FSTL4: variants seen among roughly 807,000 people sequenced by gnomAD.
FSTL4 encodes the protein follistatin-related protein 4.
In FSTL4, 28 loss-of-function variants were observed where a neutral mutation model predicts 78.2. The observed-to-expected ratio is 0.36, with a 90% confidence interval of 0.27 to 0.49. The LOEUF (loss-of-function observed/expected upper bound fraction) is 0.49. Ranked by LOEUF, FSTL4 falls within the 20% of genes least tolerant of loss-of-function variation. FSTL4 has a pLI of 0.98. For synonymous variants in FSTL4, 422 were observed against 440.5 expected (o/e 0.96, Z 0.53); for missense variants, 922 against 1,084.9 (o/e 0.85, Z 2.11).
intron 3 of FSTL4, among the ~76,000 whole-genome samples, chr5:133,479,758 G>C (rs1757990185): frequency 6.6e-6 from 1 of 152,166 alleles, no homozygotes; most frequent in Admixed American, 6.5e-5. Flanking sequence ...TTAGATTGTA[G>C]TGACAAACTA....
chr5:133,665,122 C>T, the FSTL4 span, among the ~76,000 whole-genome samples: 6 of 152,108 alleles, frequency 3.9e-5, no homozygotes, highest in African/African-American at 1.4e-4. Context: ...CCTTCTTGGG[C>T]CCAAACCACA....
intron 6 of FSTL4, among the ~76,000 whole-genome samples, chr5:133,291,820 G>C (rs1391464348): frequency 6.6e-6 from 1 of 152,168 alleles, no homozygotes; most frequent in Non-Finnish European, 1.5e-5. Flanking sequence ...TCAGGATGAA[G>C]GCCATGGAGT....
chr5:133,778,895 G>A, the FSTL4 span, among the ~76,000 whole-genome samples: 4 of 152,200 alleles, frequency 2.6e-5, no homozygotes, highest in African/African-American at 4.8e-5. Context: ...CCTGGCAGCA[G>A]GAACAAAGGC....
At chr5:133,515,691 A>T (rs1283638486) in intron 3 of FSTL4, among the ~76,000 whole-genome samples, 4 of 142,534 alleles carry the variant, frequency 2.8e-5, no homozygotes, top group Admixed American at 6.8e-5. Flanking sequence ...TTTTTTTTAA[A>T]AAAAAGCAAA....
chr5:133,809,068 T>C, the FSTL4 span, among the ~76,000 whole-genome samples: 1 of 151,840 alleles, frequency 6.6e-6, no homozygotes, highest in Admixed American at 6.6e-5. Context: ...GTGGTAGGTA[T>C]AATAAGAGGA....
At chr5:133,814,683 C>G in the FSTL4 span, among the ~76,000 whole-genome samples, 1 of 152,172 alleles carries the variant, frequency 6.6e-6, no homozygotes, top group Non-Finnish European at 1.5e-5. Context: ...AGCAGTAAAC[C>G]AAACAACTAT....
chr5:133,449,782 T>C (rs565030975), intron 3 of FSTL4, among the ~76,000 whole-genome samples: 1 of 152,276 alleles, frequency 6.6e-6, no homozygotes, highest in East Asian at 1.9e-4. Context: ...ACTGTGCAAT[T>C]CATTTTCCCT....
the FSTL4 span, among the ~76,000 whole-genome samples, chr5:133,681,288 G>T: frequency 6.6e-6 from 1 of 152,212 alleles, no homozygotes; most frequent in Non-Finnish European, 1.5e-5. Flanking sequence ...GTGAGGCCTG[G>T]GCCAGAAGCG....
chr5:133,470,088 C>G (rs1160831363), intron 3 of FSTL4, among the ~76,000 whole-genome samples: 1 of 152,146 alleles, frequency 6.6e-6, no homozygotes, highest in Non-Finnish European at 1.5e-5. Context: ...CAGCTCCCAG[C>G]CTGCTCATCC....
At chr5:133,700,458 C>A in the FSTL4 span, among the ~76,000 whole-genome samples, 15 of 152,008 alleles carry the variant, frequency 9.9e-5, no homozygotes, top group Non-Finnish European at 1.6e-4. Flanking sequence ...ACCATCACAC[C>A]AAGCCACCAC....
At chr5:133,686,406 T>C in the FSTL4 span, among the ~76,000 whole-genome samples, 1 of 152,252 alleles carries the variant, frequency 6.6e-6, no homozygotes, top group African/African-American at 2.4e-5. Context: ...TATTATAAAA[T>C]GCTCACATTG....
At chr5:133,316,688 A>G (rs1301223514) in intron 4 of FSTL4, 36 bp from the exon 5 acceptor site, 1 of 1,554,916 alleles carries the variant, frequency 6.4e-7, no homozygotes, top group Non-Finnish European at 8.8e-7. Flanking sequence ...TTTGAGACTT[A>G]TCCCGTGGTC....
At chr5:133,239,332 G>A (rs548268729) in intron 7 of FSTL4, among the ~76,000 whole-genome samples, 1 of 152,072 alleles carries the variant, frequency 6.6e-6, no homozygotes, top group East Asian at 1.9e-4. Flanking sequence ...CCACCCAAGG[G>A]CTGAGGAGTG....
intron 4 of FSTL4, among the ~76,000 whole-genome samples, chr5:133,394,678 G>A (rs1401117788): frequency 3.9e-5 from 6 of 152,284 alleles, no homozygotes; most frequent in African/African-American, 9.6e-5. Context: ...CCCAACGAGC[G>A]CCGCCACCTG....
At chr5:133,368,726 C>A (rs764732251) in intron 4 of FSTL4, among the ~76,000 whole-genome samples, 1 of 152,174 alleles carries the variant, frequency 6.6e-6, no homozygotes, top group Admixed American at 6.5e-5. Flanking sequence ...AGAACAGAAC[C>A]GGTGGGTAGT....
chr5:133,332,782 C>T (rs2126910159), intron 4 of FSTL4, among the ~76,000 whole-genome samples: 1 of 152,296 alleles, frequency 6.6e-6, no homozygotes, highest in African/African-American at 2.4e-5. Context: ...AAAACAGGAG[C>T]CATCAGCTAA....
intron 2 of FSTL4, among the ~76,000 whole-genome samples, chr5:133,582,382 C>T (rs570392120): frequency 1.5e-3 from 223 of 152,312 alleles, no homozygotes; most frequent in African/African-American, 4.5e-3. Flanking sequence ...GTCTATGAGA[C>T]TGCAGTGAGA....
the FSTL4 span, among the ~76,000 whole-genome samples, chr5:133,644,901 G>A: frequency 1.3e-5 from 2 of 152,010 alleles, no homozygotes; most frequent in Admixed American, 1.3e-4. Context: ...TTACTTCATT[G>A]GCCCCTCCCT....
At chr5:133,263,930 G>T (rs115313459) in intron 6 of FSTL4, among the ~76,000 whole-genome samples, 8 of 152,320 alleles carry the variant, frequency 5.3e-5, no homozygotes, top group Non-Finnish European at 1.0e-4. Context: ...GGTGGGCAGA[G>T]CCTGGAGTAT....
Sources: gnomAD v4.1 joint callset for allele counts (sites outside exome capture counted in the v4.1 genomes callset) on GRCh38, gnomAD v4.1.1 for gene constraint, MANE v1.5 for transcripts, NCBI Gene and HGNC (gene_info 2026-07-23, HGNC 2026-07-21) for gene names.